Variants in NTRK3 observed in about 807,000 individuals in gnomAD.
NTRK3 encodes the protein NT-3 growth factor receptor.
In NTRK3, 24 loss-of-function variants were observed where a neutral mutation model predicts 91.7. The ratio of observed to expected loss-of-function variants is 0.26; its 90% confidence interval spans 0.19 to 0.37. The LOEUF (loss-of-function observed/expected upper bound fraction) is 0.37, where lower values mean the gene tolerates loss of function less well. Ranked by LOEUF, NTRK3 falls within the 10% of genes least tolerant of loss-of-function variation. NTRK3 has a pLI of 1.00. For missense variants in NTRK3, 880 were observed against 1,068.9 expected, an observed-to-expected ratio of 0.82 and a Z score of 2.46; for synonymous variants, 483 against 404.0, an observed-to-expected ratio of 1.20 and a Z score of -2.34.
rs530587649 is a variant in NTRK3, at chr15:87,925,951, A to T, written c.2133+3240T>A. 2.8e-4 allele frequency among the ~76,000 whole-genome samples: 42 copies of T among 152,378 alleles called. 1 individual carries two copies. In the South Asian group the frequency reaches 8.5e-3, roughly 31 times the overall value. On this transcript the variant is annotated intron_variant, in intron 17 of 18. Transcript: ENST00000394480. ...AGATAATATAAACAGGAGTTTATCC[A>T]GTAAGTATTGTACTACAAGCTCTTT...
At chr15:88,254,816 G>A (rs1029143359) in intron 3 of NTRK3, among the ~76,000 whole-genome samples, 1 of 152,190 alleles carries the variant, frequency 6.6e-6, no homozygotes, top group Admixed American at 6.5e-5. Context: ...AGCCTTGGGG[G>A]AAAAGAGGTG....
chr15:87,964,052 C>T (rs1187480242), intron 14 of NTRK3, among the ~76,000 whole-genome samples: 1 of 152,076 alleles, frequency 6.6e-6, no homozygotes, highest in Non-Finnish European at 1.5e-5. Context: ...CTCCAAGAAA[C>T]TGGGGTGGGG....
chr15:88,019,777 A>G (rs759163541), intron 14 of NTRK3, among the ~76,000 whole-genome samples: 1 of 152,236 alleles, frequency 6.6e-6, no homozygotes, highest in East Asian at 1.9e-4. Context: ...AAGTAGAGCT[A>G]GAGTCCTAAT....
intron 5 of NTRK3, among the ~76,000 whole-genome samples, chr15:88,164,882 T>G (rs572746926): frequency 6.6e-6 from 1 of 152,182 alleles, no homozygotes; most frequent in Admixed American, 6.5e-5. Context: ...TTCTGCAAAA[T>G]GTTTGGGAAA....
exon 3 of NTRK3, chr15:88,256,016 C>T (rs776650676): frequency 1.9e-6 from 3 of 1,613,682 alleles, no homozygotes; most frequent in Admixed American, 1.7e-5. Context: ...CGTCCGGCCG[C>T]CGGCAATTGA....
intron 13 of NTRK3, among the ~76,000 whole-genome samples, chr15:88,078,907 G>C (rs79407233): frequency 0.031 from 4,655 of 152,336 alleles, 229 homozygotes; most frequent in African/African-American, 0.1. Context: ...CTTAGGTCAG[G>C]AGGTGTGGGG....
At chr15:87,973,108 A>AC (rs1292569609) in intron 14 of NTRK3, among the ~76,000 whole-genome samples, 1 of 152,198 alleles carries the variant, frequency 6.6e-6, no homozygotes, top group Non-Finnish European at 1.5e-5. Flanking sequence ...ACCCACCCAG[A>AC]AGTCAAGCAT....
At chr15:88,191,356 T>G (rs973685858) in intron 3 of NTRK3, among the ~76,000 whole-genome samples, 7 of 152,154 alleles carry the variant, frequency 4.6e-5, no homozygotes, top group Non-Finnish European at 1.0e-4. Context: ...CCTGGCTGAT[T>G]TTTGTATTTT....
chr15:88,039,397 T>C (rs1331676090), intron 13 of NTRK3, among the ~76,000 whole-genome samples: 1 of 152,212 alleles, frequency 6.6e-6, no homozygotes, highest in Non-Finnish European at 1.5e-5. Flanking sequence ...GCCTTGTTTT[T>C]TTCTTCAGAT....
chr15:87,913,789 A>T (rs1448447232), intron 17 of NTRK3, among the ~76,000 whole-genome samples: 1 of 152,228 alleles, frequency 6.6e-6, no homozygotes, highest in Non-Finnish European at 1.5e-5. Context: ...GCAGAAAATG[A>T]ATGAAAACAT....
chr15:88,220,003 A>T (rs1408849367), intron 3 of NTRK3, among the ~76,000 whole-genome samples: 2 of 152,188 alleles, frequency 1.3e-5, no homozygotes, highest in Non-Finnish European at 2.9e-5. Flanking sequence ...GCAGCTATCG[A>T]CTGCCAGGAG....
chr15:88,181,198 G>T (rs1597802637), intron 5 of NTRK3, among the ~76,000 whole-genome samples: 1 of 152,182 alleles, frequency 6.6e-6, no homozygotes, highest in Non-Finnish European at 1.5e-5. Flanking sequence ...GTGTCCAGGA[G>T]AAAACAGGGC....
Position 88,241,120 on chromosome 15 carries a change from C to T in NTRK3, c.248+14786G>A, listed in dbSNP as rs1431331577. Among the ~76,000 whole-genome samples, 1 of 152,216 alleles carries T rather than the reference C, an allele frequency of 6.6e-6. No individual in the cohort carries two copies. The highest frequency in any genetic ancestry group is 2.4e-5 in the African/African-American group (1 of 41,470). On this transcript the variant is annotated intron_variant, in intron 3 of 18. Coordinates refer to ENST00000394480, the Ensembl canonical transcript of NTRK3. The surrounding 1 kb of genome is among the most constrained non-coding windows in gnomAD (Gnocchi z 4.3). ...TCACCACACAGTGAGGAAACAGGAACATTAACAAGCTAATGCCATATAGGA... is the reference window on the plus strand; with the variant it reads ...TCACCACACAGTGAGGAAACAGGAATATTAACAAGCTAATGCCATATAGGA...
chr15:88,066,081 T>C (rs748709263), intron 13 of NTRK3, among the ~76,000 whole-genome samples: 2 of 152,144 alleles, frequency 1.3e-5, no homozygotes, highest in Non-Finnish European at 2.9e-5. Flanking sequence ...ACTATCTGGG[T>C]TTTTTCTCCC....
In NTRK3 at chr15:88,255,840, G is replaced by C. The variant is rs1015960035; in HGVS notation, c.248+66C>G. ...GCGGGCGGAGGGCCGGCTCCCGGCC[G>C]CGGGTGGGCAGGAGGGAGACGCAGA... is the stretch of plus-strand genomic sequence containing the variant. On this transcript the variant is annotated intron_variant, in intron 3 of 18. Transcript: ENST00000394480. The surrounding 1 kb of genome is among the most constrained non-coding windows in gnomAD (Gnocchi z 4.3). The C allele has an allele frequency of 7.1e-7, 1 of 1,410,886 alleles. No individual in the cohort carries two copies. Among genetic ancestry groups the C allele is most frequent in the African/African-American group, 1.5e-5 (1 of 67,770 alleles). 87.4% of individuals were successfully genotyped at this position (1,410,886 alleles called of 1,614,324 possible).
chr15:88,173,232 T>A (rs1440043171), intron 5 of NTRK3, among the ~76,000 whole-genome samples: 1 of 151,548 alleles, frequency 6.6e-6, no homozygotes. Flanking sequence ...TACTAGGAGG[T>A]GTCAGATGTT....
At chr15:88,165,897 G>T (rs769552650) in intron 5 of NTRK3, among the ~76,000 whole-genome samples, 26 of 152,186 alleles carry the variant, frequency 1.7e-4, no homozygotes, top group Admixed American at 6.5e-5. Context: ...GCATGAGCAA[G>T]AAGTTGTCTT....
intron 18 of NTRK3, among the ~76,000 whole-genome samples, chr15:87,878,390 G>A (rs2065049407): frequency 6.6e-6 from 1 of 152,190 alleles, no homozygotes; most frequent in Admixed American, 6.5e-5. Context: ...AACCATCACT[G>A]TGTCAGCATC....
At chr15:88,250,624 A>G (rs1455842683) in intron 3 of NTRK3, among the ~76,000 whole-genome samples, 1 of 152,022 alleles carries the variant, frequency 6.6e-6, no homozygotes, top group African/African-American at 2.4e-5. Context: ...CCTCACATTA[A>G]CCATACCCCC....
Sources: allele counts gnomAD v4.1 joint callset (sites outside exome capture counted in the v4.1 genomes callset), GRCh38; gene constraint gnomAD v4.1.1; non-coding constraint Gnocchi (gnomAD v3.1); transcripts MANE v1.5; gene names NCBI Gene and HGNC (gene_info 2026-07-23, HGNC 2026-07-21).